PTBP2: variants seen among roughly 807,000 people sequenced by gnomAD.
The protein encoded by PTBP2 is polypyrimidine tract binding protein 2.
In PTBP2, 13 loss-of-function variants were observed where a neutral mutation model predicts 61.4. The observed-to-expected ratio is 0.21, with a 90% CI of 0.14 to 0.34. PTBP2 has a LOEUF of 0.34. Among genes scored for constraint, PTBP2 ranks in the 10% least tolerant of loss-of-function variants. The probability of loss-of-function intolerance (pLI) is 1.00; values close to 1 mark genes in which losing one functional copy is unlikely to be tolerated. For synonymous variants in PTBP2, 215 were observed against 218.5 expected, an observed-to-expected ratio of 0.98 and a Z score of 0.14; for missense variants, 405 against 642.6, an observed-to-expected ratio of 0.63 and a Z score of 4.00.
chr1:96,758,640 C>T (rs187450011), intron 3 of PTBP2, among the ~76,000 whole-genome samples: 2 of 152,180 alleles, frequency 1.3e-5, no homozygotes, highest in East Asian at 3.9e-4. Flanking sequence ...GAATTTCTCT[C>T]AGAAAACTAG....
At chr1:96,723,630 G>T in intron 2 of PTBP2, 36 bp downstream of exon 2, 1 of 1,530,060 alleles carries the variant, frequency 6.5e-7, no homozygotes, top group Non-Finnish European at 8.9e-7. Context: ...GGGATTGTTG[G>T]ATCTATTATC....
At chr1:96,771,263 A>G (rs1248589595) in intron 5 of PTBP2, 1 of 155,502 alleles carries the variant, frequency 6.4e-6, no homozygotes, top group Non-Finnish European at 1.4e-5. Flanking sequence ...AAGAAATCTT[A>G]AGGATGAAGA....
chr1:96,764,749 T>A (rs1431920653), intron 3 of PTBP2, among the ~76,000 whole-genome samples: 1 of 152,248 alleles, frequency 6.6e-6, no homozygotes, highest in Non-Finnish European at 1.5e-5. Context: ...ACAACTCATC[T>A]TCTTGCATAT....
At chr1:96,806,987 A>T (rs377247191) in intron 11 of PTBP2, 29 bp downstream of exon 11, 54 of 1,503,728 alleles carry the variant, frequency 3.6e-5, no homozygotes, top group Non-Finnish European at 4.7e-5. Flanking sequence ...TTATCTATAC[A>T]TCTTCACTTC....
Position 96,813,515 on chromosome 1 carries a change from T to G in PTBP2, c.*110T>G, listed in dbSNP as rs950753159. 11 of 1,156,556 alleles carry G rather than the reference T, an allele frequency of 9.5e-6. No individual in the cohort carries two copies. The highest frequency in any genetic ancestry group is 1.3e-5 in the Non-Finnish European group (11 of 861,062). The allele number at this position is 1,156,556 out of a possible 1,614,324, so 71.6% of individuals were successfully genotyped here. A position where few individuals can be genotyped will look rare whatever the true frequency, so the allele number is the denominator to read the frequency against. On this transcript the variant is annotated 3_prime_UTR_variant, in exon 14 of 14. Coordinates refer to ENST00000674951, the MANE Select transcript of PTBP2 (RefSeq NM_021190.4). Reference sequence around the variant, plus strand: ...TTGATTTTTTTTGTTTTTGTTTTTTTGGGGTTTCTTTTTTTTTTCCATGCT... The same window carrying G: ...TTGATTTTTTTTGTTTTTGTTTTTTGGGGGTTTCTTTTTTTTTTCCATGCT...
chr1:96,784,305 T>G (rs1469292333), intron 7 of PTBP2, among the ~76,000 whole-genome samples: 1 of 139,388 alleles, frequency 7.2e-6, no homozygotes, highest in Non-Finnish European at 1.5e-5. Context: ...TAATAACCCT[T>G]GAAGAAGCAT....
At chr1:96,743,062 A>G (rs1023444646) in intron 2 of PTBP2, among the ~76,000 whole-genome samples, 1 of 151,946 alleles carries the variant, frequency 6.6e-6, no homozygotes, top group Non-Finnish European at 1.5e-5. Flanking sequence ...TGAGGCGGGC[A>G]GATCACGAGG....
At chr1:96,819,219 A>G (rs1329644351), downstream of PTBP2, 3 of 151,992 alleles carry the variant, frequency 2.0e-5, no homozygotes, top group Non-Finnish European at 4.4e-5. Context: ...CTCTATTCCT[A>G]TTGCATAGCA....
At chr1:96,810,134 G>A (rs1198626305) in intron 11 of PTBP2, among the ~76,000 whole-genome samples, 1 of 151,912 alleles carries the variant, frequency 6.6e-6, no homozygotes, top group Non-Finnish European at 1.5e-5. Context: ...TTTATTATTC[G>A]TTAATAATCT....
chr1:96,779,653 T>C (rs181715568), intron 7 of PTBP2, among the ~76,000 whole-genome samples: 1 of 152,230 alleles, frequency 6.6e-6, no homozygotes, highest in East Asian at 1.9e-4. Flanking sequence ...GTTATAATTC[T>C]AAGAGAGTAG....
exon 14 of PTBP2, chr1:96,821,365 AT>A (rs1662677936): frequency 1.3e-5 from 2 of 151,872 alleles, no homozygotes; most frequent in African/African-American, 2.4e-5. Context: ...TTTTATATCT[AT>A]TTATAAAGTT....
chr1:96,742,571 A>G (rs977490126), intron 2 of PTBP2, among the ~76,000 whole-genome samples: 1 of 151,214 alleles, frequency 6.6e-6, no homozygotes, highest in Admixed American at 6.6e-5. Context: ...TGTTGGGGGC[A>G]GTGGAGGGAT....
intron 3 of PTBP2, among the ~76,000 whole-genome samples, chr1:96,762,483 C>T (rs1260488460): frequency 7.5e-4 from 89 of 118,168 alleles, no homozygotes; most frequent in Admixed American, 5.7e-3. Context: ...GGCGGCTGGC[C>T]GGGCTGGGGG....
intron 3 of PTBP2, among the ~76,000 whole-genome samples, chr1:96,764,370 A>C (rs977663745): frequency 1.3e-5 from 2 of 152,214 alleles, no homozygotes; most frequent in Non-Finnish European, 2.9e-5. Context: ...ATTTTGTTAA[A>C]TTTGTAACTA....
intron 4 of PTBP2, 150 bp from the exon 5 acceptor site, chr1:96,770,558 A>T (rs1448011480): frequency 6.6e-6 from 5 of 753,512 alleles, no homozygotes; most frequent in Non-Finnish European, 1.0e-5. Flanking sequence ...AACTTCAACA[A>T]GAGATTTCTA....
intron 2 of PTBP2, among the ~76,000 whole-genome samples, chr1:96,728,288 C>T (rs1197756000): frequency 6.6e-6 from 1 of 152,162 alleles, no homozygotes; most frequent in African/African-American, 2.4e-5. Context: ...CACTTGGCCA[C>T]CTTTGTTTTC....
At chr1:96,734,021 G>T (rs111889256) in intron 2 of PTBP2, among the ~76,000 whole-genome samples, 14 of 152,060 alleles carry the variant, frequency 9.2e-5, no homozygotes, top group African/African-American at 2.9e-4. Context: ...TTAGTTCTAG[G>T]CATACTACAT....
At chr1:96,755,874 G>C (rs1476988567) in intron 3 of PTBP2, among the ~76,000 whole-genome samples, 1 of 152,150 alleles carries the variant, frequency 6.6e-6, no homozygotes, top group Non-Finnish European at 1.5e-5. Flanking sequence ...GAAAACTCGG[G>C]AGTGATGGAC....
At chr1:96,806,344 A>G (rs1182457909) in intron 9 of PTBP2, 75 bp from the exon 10 acceptor site, 1 of 1,179,386 alleles carries the variant, frequency 8.5e-7, no homozygotes, top group Non-Finnish European at 1.3e-6. Flanking sequence ...GTTATGGATG[A>G]TCTGTTCATC....
Sources: allele counts gnomAD v4.1 joint callset (sites outside exome capture counted in the v4.1 genomes callset), GRCh38; gene constraint gnomAD v4.1.1; transcripts MANE v1.5; gene names NCBI Gene and HGNC (gene_info 2026-07-23, HGNC 2026-07-21).